CPA6: variants seen among roughly 807,000 people sequenced by gnomAD.
CPA6 encodes the protein carboxypeptidase B.
In CPA6, 58 loss-of-function variants were observed where a neutral mutation model predicts 63.3. The observed-to-expected ratio is 0.92, with a 90% CI of 0.74 to 1.14. The LOEUF (loss-of-function observed/expected upper bound fraction) is 1.14, where lower values mean the gene tolerates loss of function less well. CPA6 is among the 50% of genes most tolerant of loss of function. The pLI is 0.00. For synonymous variants in CPA6, 185 were observed against 179.0 expected, an observed-to-expected ratio of 1.03 and a Z score of -0.27; for missense variants, 565 against 526.6, an observed-to-expected ratio of 1.07 and a Z score of -0.71.
intron 10 of CPA6, among the ~76,000 whole-genome samples, chr8:67,423,629 C>T (rs1407407198): frequency 6.6e-6 from 1 of 152,186 alleles, no homozygotes; most frequent in Non-Finnish European, 1.5e-5. Context: ...TTCTCTGCTT[C>T]CACTAGGTGA....
chr8:67,589,942 GGTTA>G (rs1227639316), intron 2 of CPA6, among the ~76,000 whole-genome samples: 2 of 151,734 alleles, frequency 1.3e-5, no homozygotes, highest in East Asian at 1.9e-4. Context: ...ACAATGTGCA[GGTTA>G]GTTACATATG....
chr8:67,496,049 T>G (rs1339712364), intron 6 of CPA6, among the ~76,000 whole-genome samples: 1 of 152,204 alleles, frequency 6.6e-6, no homozygotes, highest in African/African-American at 2.4e-5. Flanking sequence ...TACTTTCATT[T>G]CCCTGATCAA....
chr8:67,580,125 G>T (rs1461244296), intron 2 of CPA6, among the ~76,000 whole-genome samples: 1 of 152,164 alleles, frequency 6.6e-6, no homozygotes, highest in Non-Finnish European at 1.5e-5. Flanking sequence ...AATACAAAGG[G>T]AAGAAAAACT....
At chr8:67,442,884 A>G (rs1213874856) in intron 8 of CPA6, among the ~76,000 whole-genome samples, 1 of 152,108 alleles carries the variant, frequency 6.6e-6, no homozygotes, top group Non-Finnish European at 1.5e-5. Flanking sequence ...GTGCAGGCCC[A>G]TTCTTGCCAG....
intron 10 of CPA6, 104 bp downstream of exon 10, chr8:67,427,943 T>A: frequency 1.4e-6 from 1 of 712,294 alleles, no homozygotes; most frequent in Non-Finnish European, 2.4e-6. Flanking sequence ...AGTCAAAATT[T>A]TCACTTTAGG....
intron 2 of CPA6, among the ~76,000 whole-genome samples, chr8:67,552,774 C>CAAAAAAAAAAA (rs762395117): frequency 6.4e-3 from 133 of 20,906 alleles, no homozygotes; most frequent in Admixed American, 8.0e-3. Context: ...AAGACTGTCT[C>CAAAAAAAAAAA]AAAAAAAAAA....
intron 8 of CPA6, among the ~76,000 whole-genome samples, chr8:67,468,992 C>G (rs1810994611): frequency 6.6e-6 from 1 of 152,216 alleles, no homozygotes; most frequent in Non-Finnish European, 1.5e-5. Flanking sequence ...ACAGTTTAGT[C>G]TACCCTGGTG....
intron 6 of CPA6, among the ~76,000 whole-genome samples, chr8:67,487,252 TGTCCAA>T (rs1382389959): frequency 6.6e-6 from 1 of 152,146 alleles, no homozygotes; most frequent in Non-Finnish European, 1.5e-5. Context: ...CCCCACCCTG[TGTCCAA>T]GTGCTCTCAT....
intron 1 of CPA6, chr8:67,732,696 G>A (rs1043552548): frequency 6.6e-6 from 1 of 152,396 alleles, no homozygotes; most frequent in African/African-American, 2.4e-5. Context: ...GAGAAAGGTG[G>A]GCAGATGTGG....
At chr8:67,728,015 T>A (rs1294126570) in intron 1 of CPA6, among the ~76,000 whole-genome samples, 5 of 151,374 alleles carry the variant, frequency 3.3e-5, no homozygotes, top group Admixed American at 1.3e-4. Flanking sequence ...GAGGCAGAGC[T>A]TGCAGTGAGC....
rs1193688000 is a variant in CPA6, at chr8:67,536,223, T to G, written c.193-18176A>C. 2.0e-5 allele frequency among the ~76,000 whole-genome samples: 3 copies of G among 152,216 alleles called. No individual in the cohort carries two copies. In the East Asian group the frequency reaches 5.8e-4, roughly 29 times the overall value. ...TGAAATTTAAAGTAGTTTTATCTAATTCTGTGAAGAAAGTCAACGGTAGCT... is the reference window on the plus strand; with the variant it reads ...TGAAATTTAAAGTAGTTTTATCTAAGTCTGTGAAGAAAGTCAACGGTAGCT... On this transcript the variant is annotated intron_variant, in intron 2 of 10. Transcript: ENST00000297770.
intron 7 of CPA6, among the ~76,000 whole-genome samples, chr8:67,484,174 A>G (rs1390166984): frequency 6.6e-6 from 1 of 151,552 alleles, no homozygotes; most frequent in Non-Finnish European, 1.5e-5. Context: ...GGTTCACACC[A>G]TTCTCCTGCC....
At chr8:67,461,556 C>G (rs568672860) in intron 8 of CPA6, among the ~76,000 whole-genome samples, 1 of 152,266 alleles carries the variant, frequency 6.6e-6, no homozygotes, top group African/African-American at 2.4e-5. Flanking sequence ...CATCCCGGCC[C>G]GTTCTCAATG....
At chr8:67,650,013 G>C (rs1395401208) in intron 1 of CPA6, among the ~76,000 whole-genome samples, 1 of 152,162 alleles carries the variant, frequency 6.6e-6, no homozygotes, top group Non-Finnish European at 1.5e-5. Flanking sequence ...TTTTCACATG[G>C]AAAATCTCTA....
At chr8:67,609,573 C>T (rs1814750576) in intron 2 of CPA6, among the ~76,000 whole-genome samples, 1 of 152,138 alleles carries the variant, frequency 6.6e-6, no homozygotes, top group Admixed American at 6.5e-5. Context: ...CTCTTATGTT[C>T]CTGAAAGAAA....
At chr8:67,579,818 C>G (rs970836935) in intron 2 of CPA6, among the ~76,000 whole-genome samples, 2 of 152,238 alleles carry the variant, frequency 1.3e-5, no homozygotes, top group African/African-American at 4.8e-5. Flanking sequence ...TGCTCATTCG[C>G]TTCCACATTG....
intron 1 of CPA6, among the ~76,000 whole-genome samples, chr8:67,666,563 G>A (rs1816232017): frequency 6.6e-6 from 1 of 152,178 alleles, no homozygotes; most frequent in Non-Finnish European, 1.5e-5. Context: ...AATGGGAACA[G>A]GAAGGAGGAA....
At chr8:67,610,758 T>A (rs1251253029) in intron 2 of CPA6, among the ~76,000 whole-genome samples, 1 of 152,030 alleles carries the variant, frequency 6.6e-6, no homozygotes, top group Non-Finnish European at 1.5e-5. Context: ...CCAAATAATC[T>A]CAACAAAAAC....
chr8:67,595,308 A>G (rs112501761), intron 2 of CPA6, among the ~76,000 whole-genome samples: 3,404 of 152,036 alleles, frequency 0.022, 67 homozygotes, highest in African/African-American at 0.051. Context: ...GTGCCTCCCC[A>G]TTAGGCTGCT....
Sources: gnomAD v4.1 joint callset for allele counts (sites outside exome capture counted in the v4.1 genomes callset) on GRCh38, gnomAD v4.1.1 for gene constraint, MANE v1.5 for transcripts, NCBI Gene and HGNC (gene_info 2026-07-23, HGNC 2026-07-21) for gene names.